NUP133: variants seen among roughly 807,000 people sequenced by gnomAD.
NUP133 encodes the protein nuclear pore complex protein Nup133.
NUP133 carries 66 observed loss-of-function variants against 146.2 expected under a neutral mutation model. The observed-to-expected ratio is 0.45, with a 90% CI of 0.37 to 0.55. The LOEUF (loss-of-function observed/expected upper bound fraction) is 0.55. Ranked by LOEUF, NUP133 falls within the 20% of genes least tolerant of loss-of-function variation. The probability of loss-of-function intolerance (pLI) is 0.00; values close to 1 mark genes in which losing one functional copy is unlikely to be tolerated. For synonymous variants in NUP133, 521 were observed against 498.8 expected, an observed-to-expected ratio of 1.04 and a Z score of -0.59; for missense variants, 1,277 against 1,374.8, an observed-to-expected ratio of 0.93 and a Z score of 1.12.
intron 12 of NUP133, among the ~76,000 whole-genome samples, chr1:229,479,064 A>T (rs949548450): frequency 4.6e-5 from 7 of 152,180 alleles, no homozygotes; most frequent in Non-Finnish European, 8.8e-5. Flanking sequence ...AAAACAGATG[A>T]CAGAGACAGA....
At position 229,470,563 on chromosome 1, in the gene NUP133, A is replaced by C. The variant is rs1429682626; in HGVS notation, c.2076+17T>G. On this transcript the variant is annotated intron_variant, in intron 15 of 25. Transcript: ENST00000261396. ...GGCACAGTTCTACAAAGCCACATGA[A>C]AGAGGACTCATCTTACCTCCCTGAA... is the stretch of plus-strand genomic sequence containing the variant. 6.3e-7 allele frequency: 1 copy of C among 1,595,336 alleles called. No individual in the cohort carries two copies. Among genetic ancestry groups the C allele is most frequent in the Non-Finnish European group, 8.6e-7 (1 of 1,162,990 alleles).
intron 21 of NUP133, among the ~76,000 whole-genome samples, chr1:229,454,754 T>C (rs1222507715): frequency 6.6e-6 from 1 of 152,212 alleles, no homozygotes; most frequent in Non-Finnish European, 1.5e-5. Context: ...TTGATTAACA[T>C]GATCTACCTC....
At chr1:229,505,979 A>G (rs576037759) in intron 2 of NUP133, 61 bp downstream of exon 2, 5 of 938,550 alleles carry the variant, frequency 5.3e-6, no homozygotes, top group Non-Finnish European at 8.7e-6. Context: ...TTTAATCTCT[A>G]TGCCACATCT....
chr1:229,467,591 G>C (rs910900830), intron 15 of NUP133, among the ~76,000 whole-genome samples: 4 of 152,188 alleles, frequency 2.6e-5, no homozygotes, highest in African/African-American at 9.7e-5. Flanking sequence ...TAATTTATAA[G>C]CTTAAGTGTA....
chr1:229,485,922 G>A (rs1661336860), intron 11 of NUP133, among the ~76,000 whole-genome samples: 1 of 152,186 alleles, frequency 6.6e-6, no homozygotes, highest in Admixed American at 6.5e-5. Flanking sequence ...CCAGCACTTT[G>A]GGAGGCCGAG....
intron 21 of NUP133, among the ~76,000 whole-genome samples, chr1:229,456,483 C>T (rs899198757): frequency 2.6e-5 from 4 of 152,106 alleles, no homozygotes; most frequent in African/African-American, 7.2e-5. Context: ...TTTTGATGTT[C>T]AAATAGTCCC....
At chr1:229,506,449 GTT>G (rs35852954) in intron 1 of NUP133, among the ~76,000 whole-genome samples, 4 of 107,382 alleles carry the variant, frequency 3.7e-5, no homozygotes, top group Non-Finnish European at 3.9e-5. Context: ...CTAGACCAGT[GTT>G]TTTTTTTTTT....
chr1:229,497,091 C>T (rs1261025454), intron 6 of NUP133, among the ~76,000 whole-genome samples: 1 of 152,174 alleles, frequency 6.6e-6, no homozygotes, highest in East Asian at 1.9e-4. Flanking sequence ...AAACGCATCA[C>T]TGATAGGGCA....
Position 229,489,988 on chromosome 1 carries a change from AG to A in NUP133, c.1160del (p.Thr387MetfsTer2). On this transcript the variant is annotated frameshift_variant, in exon 9 of 26. Coordinates refer to ENST00000261396, the MANE Select transcript of NUP133 (RefSeq NM_018230.3). LOFTEE classifies it high-confidence loss of function. ...DNGCQMSDAV[T>X]VEVTQYNPPF... ...GTGGATTATATTGAGTGACTTCTAC[AG>A]TAACTGCATCTGACATTTGGCAACC... is the stretch of plus-strand genomic sequence containing the variant. The A allele has an allele frequency of 6.2e-7, 1 of 1,609,622 alleles. No individual in the cohort carries two copies. The highest frequency in any genetic ancestry group is 8.5e-7 in the Non-Finnish European group (1 of 1,177,614).
chr1:229,473,415 C>T (rs949844247), intron 14 of NUP133, among the ~76,000 whole-genome samples: 2 of 152,028 alleles, frequency 1.3e-5, no homozygotes, highest in African/African-American at 4.8e-5. Context: ...CTAGACATTG[C>T]CTTAGGACAG....
intron 25 of NUP133, among the ~76,000 whole-genome samples, chr1:229,443,650 AT>A (rs1381198571): frequency 6.6e-6 from 1 of 151,882 alleles, no homozygotes; most frequent in Admixed American, 6.6e-5. Context: ...CCAAAAGTAC[AT>A]TTGTCCTGTT....
rs1660738607 is a variant in NUP133, at chr1:229,463,539, T to C, written c.2685+4A>G. The C allele has an allele frequency of 3.7e-6, 6 of 1,613,582 alleles. No homozygotes were observed. Among genetic ancestry groups the C allele is most frequent in the Non-Finnish European group, 5.1e-6 (6 of 1,179,816 alleles). On this transcript the variant is annotated splice_donor_region_variant and intron_variant, in intron 19 of 25. Transcript: ENST00000261396. Reference sequence around the variant, plus strand: ...TCAGTGGCCACACACCCAACACTCATCACCTGATCAGCAAACTGGGTCATG... The same window carrying C: ...TCAGTGGCCACACACCCAACACTCACCACCTGATCAGCAAACTGGGTCATG...
chr1:229,508,289 C>A lies in NUP133; in HGVS notation c.-40G>T. 2 of 1,384,434 alleles carry A rather than the reference C, an allele frequency of 1.4e-6. No homozygotes were observed. Among genetic ancestry groups the A allele is most frequent in the Non-Finnish European group, 9.5e-7 (1 of 1,058,076 alleles). 85.8% of individuals were successfully genotyped at this position (1,384,434 alleles called of 1,614,324 possible). A position where few individuals can be genotyped will look rare whatever the true frequency, so the allele number is the denominator to read the frequency against. On this transcript the variant is annotated 5_prime_UTR_variant, in exon 1 of 26. Transcript: ENST00000261396. The stretch of plus-strand genomic sequence containing the variant: ...GCGACTAGGACAGCGAGGGATCTGG[C>A]CGTCAGGTTGCAGCCTGGCCTGCGC...
chr1:229,469,805 C>G (rs1660913099), intron 15 of NUP133, among the ~76,000 whole-genome samples: 1 of 152,346 alleles, frequency 6.6e-6, no homozygotes, highest in African/African-American at 2.4e-5. Context: ...GGCCACCTTG[C>G]TGTGGCAGAG....
intron 21 of NUP133, among the ~76,000 whole-genome samples, chr1:229,454,769 G>A (rs1184160822): frequency 6.6e-6 from 1 of 152,172 alleles, no homozygotes. Flanking sequence ...TACCTCTGGT[G>A]GCCAGGCTAA....
intron 12 of NUP133, among the ~76,000 whole-genome samples, 192 bp from the exon 13 acceptor site, chr1:229,477,952 T>A (rs1458742908): frequency 2.0e-5 from 3 of 152,210 alleles, no homozygotes; most frequent in Non-Finnish European, 4.4e-5. Flanking sequence ...TAACAAACTT[T>A]ACATGTTCAA....
At chr1:229,491,281 G>A (rs1230457589) in intron 8 of NUP133, among the ~76,000 whole-genome samples, 1 of 152,190 alleles carries the variant, frequency 6.6e-6, no homozygotes, top group Non-Finnish European at 1.5e-5. Flanking sequence ...TACAGAAAAG[G>A]TTTGCCAATC....
intron 21 of NUP133, 43 bp downstream of exon 21, chr1:229,458,118 T>C (rs759005032): frequency 1.1e-4 from 173 of 1,591,910 alleles, no homozygotes; most frequent in Non-Finnish European, 1.4e-4. Flanking sequence ...AGTTAATTGA[T>C]GGCATGACCA....
intron 1 of NUP133, among the ~76,000 whole-genome samples, 198 bp from the exon 2 acceptor site, chr1:229,506,356 A>G (rs562424366): frequency 1.3e-5 from 2 of 151,706 alleles, no homozygotes; most frequent in Non-Finnish European, 2.9e-5. Context: ...CTTCAATCCC[A>G]TAGACTCTAG....
Sources: gnomAD v4.1 joint callset for allele counts (sites outside exome capture counted in the v4.1 genomes callset) on GRCh38, gnomAD v4.1.1 for gene constraint, MANE v1.5 for transcripts, NCBI Gene and HGNC (gene_info 2026-07-23, HGNC 2026-07-21) for gene names.